FNBP1L: variants seen among roughly 807,000 people sequenced by gnomAD.
FNBP1L encodes formin-binding protein 1-like.
A neutral mutation model predicts 91.2 loss-of-function variants in FNBP1L; 36 were observed. The ratio of observed to expected loss-of-function variants is 0.39; its 90% confidence interval spans 0.30 to 0.52. The LOEUF (loss-of-function observed/expected upper bound fraction) is 0.52. Ranked by LOEUF, FNBP1L falls within the 20% of genes least tolerant of loss-of-function variation. The pLI is 0.66. For synonymous variants in FNBP1L, 242 were observed against 237.0 expected, an observed-to-expected ratio of 1.02 and a Z score of -0.19; for missense variants, 571 against 732.1, an observed-to-expected ratio of 0.78 and a Z score of 2.54.
chr1:93,534,256 C>T (rs978113293), intron 8 of FNBP1L, among the ~76,000 whole-genome samples: 9 of 152,080 alleles, frequency 5.9e-5, no homozygotes, highest in Non-Finnish European at 1.2e-4. Context: ...ATCTTTTACT[C>T]TCTTTTACAA....
At chr1:93,449,822 A>G (rs2101677728) in intron 1 of FNBP1L, among the ~76,000 whole-genome samples, 1 of 152,286 alleles carries the variant, frequency 6.6e-6, no homozygotes, top group African/African-American at 2.4e-5. Context: ...TTTCCCTTAC[A>G]CTTTGTGCAT....
chr1:93,480,510 T>C (rs1448842713), intron 1 of FNBP1L, among the ~76,000 whole-genome samples: 1 of 152,190 alleles, frequency 6.6e-6, no homozygotes, highest in African/African-American at 2.4e-5. Context: ...TGGAGTGTGC[T>C]TCCCTTCAAG....
At chr1:93,449,765 AG>A (rs546217743) in intron 1 of FNBP1L, among the ~76,000 whole-genome samples, 133 of 152,290 alleles carry the variant, frequency 8.7e-4, no homozygotes, top group Non-Finnish European at 1.7e-3. Flanking sequence ...AATTACATAA[AG>A]TTTAATTCTT....
rs150821095 is a variant in FNBP1L at position 93,476,212 on chromosome 1, A to G, written c.25-23256A>G. 9.5e-4 allele frequency among the ~76,000 whole-genome samples: 144 copies of G among 152,318 alleles called. No individual in the cohort carries two copies. In the East Asian group the frequency reaches 0.016, roughly 17 times the overall value. On this transcript the variant is annotated intron_variant, in intron 1 of 16. Coordinates refer to ENST00000271234, the MANE Select transcript of FNBP1L (RefSeq NM_001164473.3). ...AACTGATTCTATGTTCAATTAAAGTATTTATTCAGCTCTTAGTAGACTGTA... is the reference window on the plus strand; with the variant it reads ...AACTGATTCTATGTTCAATTAAAGTGTTTATTCAGCTCTTAGTAGACTGTA...
chr1:93,551,627 T>G, intron 16 of FNBP1L: 1 of 984,774 alleles, frequency 1.0e-6, no homozygotes, highest in Non-Finnish European at 1.2e-6. Context: ...AATAATAACA[T>G]CATTTTCATT....
intron 12 of FNBP1L, among the ~76,000 whole-genome samples, chr1:93,545,105 C>T (rs1367420947): frequency 2.0e-5 from 3 of 152,058 alleles, no homozygotes; most frequent in Non-Finnish European, 4.4e-5. Context: ...TCTAATAGCA[C>T]TGTAACTCAT....
Position 93,536,329 on chromosome 1 carries a change from T to C in FNBP1L, c.991-3T>C, listed in dbSNP as rs1671849471. 6.8e-7 allele frequency: 1 copy of C among 1,461,290 alleles called. No individual in the cohort carries two copies. The highest frequency in any genetic ancestry group is 9.0e-7 in the Non-Finnish European group (1 of 1,105,692). 90.5% of individuals were successfully genotyped at this position (1,461,290 alleles called of 1,614,324 possible). A position where few individuals can be genotyped will look rare whatever the true frequency, so the allele number is the denominator to read the frequency against. On this transcript the variant is annotated splice_polypyrimidine_tract_variant and splice_region_variant and intron_variant, in intron 9 of 16. Coordinates refer to ENST00000271234, the MANE Select transcript of FNBP1L (RefSeq NM_001164473.3). ...TTGATTCCTTTCTTTATTTCCATATTAGCCACAGTCCCCACCCTTAACCCC... is the reference window on the plus strand; with the variant it reads ...TTGATTCCTTTCTTTATTTCCATATCAGCCACAGTCCCCACCCTTAACCCC...
chr1:93,514,303 G>A (rs939968768), intron 2 of FNBP1L, among the ~76,000 whole-genome samples: 1 of 151,838 alleles, frequency 6.6e-6, no homozygotes, highest in African/African-American at 2.4e-5. Flanking sequence ...CCATGCTCGT[G>A]GGTAGGAAGA....
chr1:93,548,897 G>A (rs564715709), intron 14 of FNBP1L, among the ~76,000 whole-genome samples: 7 of 152,230 alleles, frequency 4.6e-5, no homozygotes, highest in Admixed American at 3.3e-4. Context: ...CACCTGAAGC[G>A]TGTGAACTAA....
chr1:93,485,165 A>AAAAGG (rs921920620), intron 1 of FNBP1L, among the ~76,000 whole-genome samples: 1 of 151,688 alleles, frequency 6.6e-6, no homozygotes, highest in South Asian at 2.1e-4. Flanking sequence ...AAAAAAAAAA[A>AAAAGG]AAAGGAAAGA....
At chr1:93,456,787 A>G (rs1668682060) in intron 1 of FNBP1L, among the ~76,000 whole-genome samples, 1 of 152,080 alleles carries the variant, frequency 6.6e-6, no homozygotes, top group African/African-American at 2.4e-5. Context: ...CAAAAAAAAA[A>G]AAAATCGTTG....
intron 9 of FNBP1L, among the ~76,000 whole-genome samples, chr1:93,535,960 A>G (rs1671833955): frequency 6.6e-6 from 1 of 152,080 alleles, no homozygotes; most frequent in African/African-American, 2.4e-5. Flanking sequence ...ACCTGTTTAG[A>G]TAACTTTAGG....
intron 10 of FNBP1L, 67 bp from the exon 11 acceptor site, chr1:93,540,975 A>G: frequency 1.5e-6 from 2 of 1,368,808 alleles, no homozygotes; most frequent in South Asian, 1.3e-5. Context: ...AGGCTATTGC[A>G]TCTTCTGTAT....
At chr1:93,512,660 T>A (rs918404836) in intron 2 of FNBP1L, among the ~76,000 whole-genome samples, 11 of 148,844 alleles carry the variant, frequency 7.4e-5, no homozygotes, top group Non-Finnish European at 1.4e-4. Context: ...AACAACCTGC[T>A]CCTGAATGAC....
intron 1 of FNBP1L, among the ~76,000 whole-genome samples, chr1:93,464,698 A>G (rs111420487): frequency 6.6e-4 from 100 of 152,298 alleles, no homozygotes; most frequent in African/African-American, 2.1e-3. Flanking sequence ...CAGTCTTTAA[A>G]CATATTAAAC....
At chr1:93,525,666 C>A (rs542829498) in intron 5 of FNBP1L, among the ~76,000 whole-genome samples, 1 of 152,106 alleles carries the variant, frequency 6.6e-6, no homozygotes, top group African/African-American at 2.4e-5. Context: ...GCCTTTAGAA[C>A]AATTGACCGT....
At chr1:93,472,956 A>T (rs930189472) in intron 1 of FNBP1L, among the ~76,000 whole-genome samples, 1 of 147,892 alleles carries the variant, frequency 6.8e-6, no homozygotes, top group Non-Finnish European at 1.5e-5. Context: ...TAGCTTTTTT[A>T]TAGTATAGAA....
At chr1:93,503,221 A>G (rs1670494779) in intron 2 of FNBP1L, among the ~76,000 whole-genome samples, 1 of 152,166 alleles carries the variant, frequency 6.6e-6, no homozygotes, top group African/African-American at 2.4e-5. Flanking sequence ...ATCATGGTGG[A>G]AGGAGAAGAA....
At chr1:93,542,531 C>G (rs1672081623) in intron 11 of FNBP1L, among the ~76,000 whole-genome samples, 2 of 149,480 alleles carry the variant, frequency 1.3e-5, no homozygotes. Context: ...CTACAGGCCA[C>G]TGGGGAAAGA....
Sources: allele counts gnomAD v4.1 joint callset (sites outside exome capture counted in the v4.1 genomes callset), GRCh38; gene constraint gnomAD v4.1.1; transcripts MANE v1.5; gene names NCBI Gene and HGNC (gene_info 2026-07-23, HGNC 2026-07-21).